The following RIPOR3 variants were observed in gnomAD, a reference collection of about 807,000 sequenced individuals.
The protein encoded by RIPOR3 is RIPOR family member 3, also known as family with sequence similarity 65 member C.
Under a neutral mutation model 114.3 loss-of-function variants are expected in RIPOR3, and 95 were observed. That is an observed-to-expected ratio of 0.83 (90% CI 0.70 to 0.99). RIPOR3 has a LOEUF of 0.99. Ranked by LOEUF, RIPOR3 falls within the 50% of genes least tolerant of loss-of-function variation. The probability of loss-of-function intolerance (pLI) is 0.00; values close to 1 mark genes in which losing one functional copy is unlikely to be tolerated. For synonymous variants in RIPOR3, 575 were observed against 543.8 expected, an observed-to-expected ratio of 1.06 and a Z score of -0.80; for missense variants, 1,252 against 1,266.9, an observed-to-expected ratio of 0.99 and a Z score of 0.18.
intron 1 of RIPOR3, among the ~76,000 whole-genome samples, chr20:50,640,053 G>A (rs1490417365): frequency 3.3e-5 from 5 of 151,024 alleles, no homozygotes; most frequent in South Asian, 4.2e-4. Context: ...TTCCATGGGC[G>A]AAATGAGTAG....
intron 1 of RIPOR3, among the ~76,000 whole-genome samples, chr20:50,672,544 T>C (rs1206370626): frequency 6.6e-6 from 1 of 152,106 alleles, no homozygotes; most frequent in Non-Finnish European, 1.5e-5. Context: ...CAGCATCTGA[T>C]AGCCCCAGTA....
rs935055215 is a variant in RIPOR3 at position 50,627,694 on chromosome 20, T to A, written c.122+3044A>T. ...AGAAACTGTCTCAAAAAAAAAAAAATTTTGGGAGGCTGGGGTGGGAGGATC... is the reference window on the plus strand; with the variant it reads ...AGAAACTGTCTCAAAAAAAAAAAAAATTTGGGAGGCTGGGGTGGGAGGATC... On this transcript the variant is annotated intron_variant, in intron 2 of 21. Transcript: ENST00000327979. Among the ~76,000 whole-genome samples, 319 of 150,318 alleles carry A rather than the reference T, an allele frequency of 2.1e-3. 2 individuals are homozygous for A. Among genetic ancestry groups the A allele is most frequent in the African/African-American group, 7.5e-3 (306 of 40,788 alleles).
chr20:50,666,309 C>T (rs2086244843), intron 1 of RIPOR3, among the ~76,000 whole-genome samples: 1 of 149,668 alleles, frequency 6.7e-6, no homozygotes. Context: ...ACCGCAATCT[C>T]CGTCTCCCGG....
chr20:50,677,411 G>A (rs2086708858), intron 1 of RIPOR3, among the ~76,000 whole-genome samples: 1 of 123,272 alleles, frequency 8.1e-6, no homozygotes. Context: ...TGCTCTTGTT[G>A]CCCAGGCCTG....
At chr20:50,666,188 T>TTTTTTC (rs35460723) in intron 1 of RIPOR3, among the ~76,000 whole-genome samples, 581 of 18,864 alleles carry the variant, frequency 0.031, 62 homozygotes, top group East Asian at 0.11. Context: ...CACCCATTTC[T>TTTTTTC]TTTCTTTTCT....
chr20:50,594,753 G>A, intron 16 of RIPOR3, 39 bp from the exon 17 acceptor site: 2 of 1,586,888 alleles, frequency 1.3e-6, no homozygotes, highest in South Asian at 1.1e-5. Context: ...GGTGACTCGG[G>A]GAGAGCACAT....
At chr20:50,595,619 CCTGA>C (rs2083261979) in intron 15 of RIPOR3, 115 bp from the exon 16 acceptor site, 13 of 1,410,200 alleles carry the variant, frequency 9.2e-6, no homozygotes, top group East Asian at 4.7e-5. Flanking sequence ...GGGGCAGCTC[CCTGA>C]CTGTCATTTG....
At chr20:50,634,160 A>G (rs551031226) in intron 1 of RIPOR3, among the ~76,000 whole-genome samples, 1 of 151,486 alleles carries the variant, frequency 6.6e-6, no homozygotes, top group South Asian at 2.1e-4. Flanking sequence ...TTTTGTATTC[A>G]TTGTAGAGAT....
intron 2 of RIPOR3, among the ~76,000 whole-genome samples, chr20:50,623,743 G>A (rs1349686379): frequency 6.6e-6 from 1 of 152,222 alleles, no homozygotes; most frequent in Non-Finnish European, 1.5e-5. Flanking sequence ...GAACACGTGA[G>A]CCTAAGTAAC....
intron 13 of RIPOR3, among the ~76,000 whole-genome samples, chr20:50,601,171 C>T (rs532638328): frequency 6.9e-4 from 105 of 151,504 alleles, no homozygotes; most frequent in African/African-American, 2.3e-3. Flanking sequence ...CAGTGGCTCA[C>T]GCCTGTAATC....
At position 50,593,191 on chromosome 20, in the gene RIPOR3, G is replaced by C. The variant is rs372814425; in HGVS notation, c.2218C>G (p.Arg740Gly). The C allele has an allele frequency of 6.2e-7, 1 of 1,611,978 alleles. No individual in the cohort carries two copies. Among genetic ancestry groups the C allele is most frequent in the South Asian group, 1.1e-5 (1 of 91,046 alleles). ...KYPGQLEIACRRLLEQVVSCG... is the reference protein window; with the variant it reads ...KYPGQLEIACGRLLEQVVSCG... ...CTGACCACCTGCTCCAGGAGCCTGC[G>C]GCACGCTGGCCAAAGGGGAGAGTAC... The change falls in exon 18 of 22, where the codon CGC becomes GGC. Residue 740 changes from arginine (R) to glycine (G), a missense_variant. Physicochemically the swap from Arg to Gly is moderately radical, Grantham distance 125 (BLOSUM62 -2). Coordinates refer to ENST00000327979, the MANE Select transcript of RIPOR3 (RefSeq NM_001290268.2).
At chr20:50,649,812 G>C (rs980921970) in intron 1 of RIPOR3, among the ~76,000 whole-genome samples, 1 of 152,188 alleles carries the variant, frequency 6.6e-6, no homozygotes, top group South Asian at 2.1e-4. Context: ...TTCCAAGGAC[G>C]GTAATGAGGT....
At chr20:50,687,254 C>A (rs1202042851) in intron 1 of RIPOR3, among the ~76,000 whole-genome samples, 1 of 152,258 alleles carries the variant, frequency 6.6e-6, no homozygotes, top group Non-Finnish European at 1.5e-5. Flanking sequence ...GGCCCACATG[C>A]CGCTAGTGTA....
rs761845008 is a variant in RIPOR3, at chr20:50,608,895, C to A, written c.684+17G>T. On this transcript the variant is annotated intron_variant, in intron 9 of 21. Coordinates refer to ENST00000327979, the MANE Select transcript of RIPOR3 (RefSeq NM_001290268.2). ...TGGCGGGGAGCCCTGAGGATTGACC[C>A]CAGAGAGTGGCCGTACCTCATAGTG... 6.3e-7 allele frequency: 1 copy of A among 1,597,702 alleles called. No individual in the cohort carries two copies. The highest frequency in any genetic ancestry group is 1.1e-5 in the South Asian group (1 of 89,036).
At chr20:50,606,832 C>A (rs1426083151) in intron 11 of RIPOR3, among the ~76,000 whole-genome samples, 2 of 152,040 alleles carry the variant, frequency 1.3e-5, no homozygotes, top group African/African-American at 4.8e-5. Context: ...CCGGTTCAAG[C>A]GATTCTCCTG....
intron 13 of RIPOR3, among the ~76,000 whole-genome samples, chr20:50,601,254 C>T (rs1054302713): frequency 3.9e-5 from 6 of 152,048 alleles, no homozygotes; most frequent in Non-Finnish European, 5.9e-5. Context: ...GCCAACATGG[C>T]GAAACCCCAT....
chr20:50,628,561 A>G (rs1441453236), intron 2 of RIPOR3, among the ~76,000 whole-genome samples: 1 of 150,618 alleles, frequency 6.6e-6, no homozygotes, highest in African/African-American at 2.5e-5. Context: ...TCCACTCCCC[A>G]TGCCCCTGTC....
chr20:50,609,373 G>A lies in RIPOR3; in HGVS notation c.577-17C>T, dbSNP rs1287364144. 1.2e-6 allele frequency: 2 copies of A among 1,612,158 alleles called. No individual in the cohort carries two copies. The highest frequency in any genetic ancestry group is 1.7e-5 in the Admixed American group (1 of 59,794). On this transcript the variant is annotated splice_polypyrimidine_tract_variant and intron_variant, in intron 7 of 21. Transcript: ENST00000327979. ...CCACATGTCCTGCAAAGCCCCGGAG[G>A]TGGCTCAGCTGGCTGCCTGGGGCTA...
At chr20:50,599,710 A>C (rs1476849484) in intron 13 of RIPOR3, among the ~76,000 whole-genome samples, 2 of 152,142 alleles carry the variant, frequency 1.3e-5, no homozygotes, top group Non-Finnish European at 2.9e-5. Context: ...TCAGCTGGGA[A>C]TGTGTGCTTT....
Sources: gnomAD v4.1 joint callset for allele counts (sites outside exome capture counted in the v4.1 genomes callset) on GRCh38, gnomAD v4.1.1 for gene constraint, MANE v1.5 for transcripts, NCBI Gene and HGNC (gene_info 2026-07-23, HGNC 2026-07-21) for gene names.